The following KIF17 variants were observed in gnomAD, a reference collection of about 807,000 sequenced individuals.
The protein encoded by KIF17 is kinesin-like protein KIF17.
In KIF17, 80 loss-of-function variants were observed where a neutral mutation model predicts 96.8. That is an observed-to-expected ratio of 0.83 (90% CI 0.69 to 1.00). The LOEUF is 1.00. KIF17 is among the 50% of genes least tolerant of loss of function. The pLI is 0.00. For missense variants in KIF17, 1,280 were observed against 1,372.9 expected, an observed-to-expected ratio of 0.93 and a Z score of 1.07; for synonymous variants, 567 against 587.5, an observed-to-expected ratio of 0.97 and a Z score of 0.51.
chr1:20,689,088 CCA>C (rs756231444), intron 7 of KIF17, among the ~76,000 whole-genome samples: 3 of 152,280 alleles, frequency 2.0e-5, no homozygotes, highest in African/African-American at 4.8e-5. Context: ...GCCTTGGTTT[CCA>C]CACAGTTATG....
chr1:20,672,033 T>C lies in KIF17; in HGVS notation c.2627A>G (p.Asn876Ser). The change falls in exon 12 of 15, where the codon AAC becomes AGC. Residue 876 changes from asparagine (N) to serine (S), a missense_variant. Coordinates refer to ENST00000400463, the MANE Select transcript of KIF17 (RefSeq NM_001122819.3). The surrounding 1 kb of genome is among the most constrained non-coding windows in gnomAD (Gnocchi z 4.3). ...PLIRRDCNYSNLEKILRESCW... is the reference protein window; with the variant it reads ...PLIRRDCNYSSLEKILRESCW... ...GGACTCACGCAGAATCTTCTCCAGG[T>C]TGCTGTAGTTACAGTCCCTGCGAAT... is the stretch of plus-strand genomic sequence containing the variant. The C allele has an allele frequency of 6.2e-7, 1 of 1,614,154 alleles. No homozygotes were observed. Among genetic ancestry groups the C allele is most frequent in the Non-Finnish European group, 8.5e-7 (1 of 1,180,038 alleles).
At chr1:20,665,585 G>C (rs1436144269) in intron 14 of KIF17, among the ~76,000 whole-genome samples, 26 of 151,816 alleles carry the variant, frequency 1.7e-4, no homozygotes, top group Admixed American at 1.6e-3. Context: ...ATTTTTAGTA[G>C]AGACGGGGTT....
At position 20,687,474 on chromosome 1, in the gene KIF17, C is replaced by G. The variant is rs772846814; in HGVS notation, c.1852G>C (p.Glu618Gln). Residue 618 changes from glutamate to glutamine, a missense_variant, in exon 8 of 15, where the codon GAG becomes CAG. Coordinates refer to ENST00000400463, the MANE Select transcript of KIF17 (RefSeq NM_001122819.3). The surrounding 1 kb of genome is among the most constrained non-coding windows in gnomAD (Gnocchi z 4.4). ...AGTCTGGCCAGCTTGGCTTCCACCT[C>G]GGCAAACGGGTCCTGCAGGCCTAGT... ...GLLGLQDPFA[E>Q]VEAKLARLSS... The G allele has an allele frequency of 6.2e-7, 1 of 1,613,934 alleles. No homozygotes were observed. Among genetic ancestry groups the G allele is most frequent in the South Asian group, 1.1e-5 (1 of 91,066 alleles).
rs1430238795 is a variant in KIF17 at position 20,666,242 on chromosome 1, G to A, written c.2880C>T (p.Ile960=). The part of the protein sequence containing the change: ...NYFRSKRASQ[I]LSTDARKSLT... ...GGCTCTTCCTGGCGTCTGTGCTGAG[G>A]ATCTGGCTGGCCCGCTTAGATCGGA... The change falls in exon 14 of 15, where the codon ATC becomes ATT. Residue 960 remains isoleucine (I), a synonymous_variant. Coordinates refer to ENST00000400463, the MANE Select transcript of KIF17 (RefSeq NM_001122819.3). 6.2e-7 allele frequency: 1 copy of A among 1,614,080 alleles called. No homozygotes were observed. Among genetic ancestry groups the A allele is most frequent in the Non-Finnish European group, 8.5e-7 (1 of 1,179,904 alleles).
In KIF17 at chr1:20,687,045, C is replaced by T. The variant is rs1299038563; in HGVS notation, c.1938+343G>A. On this transcript the variant is annotated intron_variant, in intron 8 of 14. Transcript: ENST00000400463. The surrounding 1 kb of genome is among the most constrained non-coding windows in gnomAD (Gnocchi z 4.4). ...GAGCCAGTGAGCGTCGCCCAGGGCT[C>T]CGTCAGGCCTGGACACTCACTGTAA... 1.3e-5 allele frequency among the ~76,000 whole-genome samples: 2 copies of T among 152,300 alleles called. No individual in the cohort carries two copies. Among genetic ancestry groups the T allele is most frequent in the East Asian group, 3.9e-4 (2 of 5,184 alleles).
Position 20,715,708 on chromosome 1 carries a change from C to G in KIF17, c.232-69G>C. ...ACAGCAGGGCTCGGGACAGGGCTCC[C>G]TAACCCACAGACTCAGGGCCCTTCC... On this transcript the variant is annotated intron_variant, in intron 1 of 14. Coordinates refer to ENST00000400463, the MANE Select transcript of KIF17 (RefSeq NM_001122819.3). 1.9e-6 allele frequency: 3 copies of G among 1,594,154 alleles called. No homozygotes were observed. The East Asian group carries it at 6.7e-5, about 36-fold the overall frequency.
chr1:20,664,986 C>T (rs615190), intron 14 of KIF17, among the ~76,000 whole-genome samples: 148,540 of 152,028 alleles, frequency 0.98, 72,668 homozygotes, highest in Middle Eastern at 1. Flanking sequence ...GGCTGGGGAG[C>T]TGGGGTTTTA....
chr1:20,710,989 G>C (rs755850273), intron 3 of KIF17, among the ~76,000 whole-genome samples: 9 of 152,074 alleles, frequency 5.9e-5, no homozygotes, highest in Admixed American at 3.3e-4. Flanking sequence ...GGCAGGTCTC[G>C]GCCCAGGCGG....
chr1:20,703,491 GATGGATGC>G (rs1451545837), intron 5 of KIF17, among the ~76,000 whole-genome samples: 56 of 114,252 alleles, frequency 4.9e-4, no homozygotes, highest in Admixed American at 2.1e-3. Context: ...TGGATAGATG[GATGGATGC>G]ATGGATGGAT....
chr1:20,662,730 C>G (rs879829304), downstream of KIF17, among the ~76,000 whole-genome samples: 3 of 152,224 alleles, frequency 2.0e-5, no homozygotes, highest in Non-Finnish European at 4.4e-5. Context: ...CCTCTCAGTC[C>G]TTGCTCAGGG....
In KIF17 at chr1:20,682,961, C is replaced by T. The variant is rs1202164902; in HGVS notation, c.2232-77G>A. 5 of 1,321,006 alleles carry T rather than the reference C, an allele frequency of 3.8e-6. No homozygotes were observed. The East Asian group carries it at 9.3e-5, about 25-fold the overall frequency. The allele number at this position is 1,321,006 out of a possible 1,614,324, so 81.8% of individuals were successfully genotyped here. ...CACGTGCCATCCAGCAGGCTCCAGG[C>T]TATGCGTGGGCCCCCCAGATCCTTC... On this transcript the variant is annotated intron_variant, in intron 10 of 14. Transcript: ENST00000400463.
rs556135151 is a variant in KIF17 at position 20,715,508 on chromosome 1, C to A, written c.363G>T (p.Val121=). The change falls in exon 2 of 15, where the codon GTG becomes GTT. Residue 121 remains valine, a synonymous_variant. Transcript: ENST00000400463. ...RGIIPRAFEH[V]FESVQCAENT... is the part of the protein sequence containing the mutation. ...AGGCCCGTACCTGGACGCTCTCGAA[C>A]ACGTGCTCGAAGGCCCTGGGGATGA... The A allele has an allele frequency of 6.8e-6, 11 of 1,613,230 alleles. No individual in the cohort carries two copies. In the South Asian group the frequency reaches 1.1e-4, roughly 16 times the overall value.
intron 4 of KIF17, among the ~76,000 whole-genome samples, chr1:20,705,124 C>A (rs1021242186): frequency 7.2e-5 from 11 of 152,234 alleles, no homozygotes; most frequent in African/African-American, 1.9e-4. Context: ...CTGCTAAGAG[C>A]TATAGCCACC....
intron 13 of KIF17, 106 bp downstream of exon 13, chr1:20,670,315 G>T: frequency 9.0e-7 from 1 of 1,106,102 alleles, no homozygotes; most frequent in Non-Finnish European, 1.4e-6. Flanking sequence ...ATCCTTAGGC[G>T]GGAGGAAAGT....
intron 4 of KIF17, among the ~76,000 whole-genome samples, chr1:20,706,245 G>A (rs1020194644): frequency 6.6e-6 from 1 of 151,652 alleles, no homozygotes; most frequent in Non-Finnish European, 1.5e-5. Flanking sequence ...GTGGTCTGGA[G>A]AAGTAAGGTA....
intron 5 of KIF17, among the ~76,000 whole-genome samples, chr1:20,703,176 TGAATGGATGGAC>T (rs1553151980): frequency 6.8e-6 from 1 of 147,396 alleles, no homozygotes; most frequent in African/African-American, 2.5e-5. Context: ...GATGGATGGA[TGAATGGATGGAC>T]GGATGGATGG....
At chr1:20,670,335 G>T in intron 13 of KIF17, 86 bp downstream of exon 13, 1 of 1,311,954 alleles carries the variant, frequency 7.6e-7, no homozygotes, top group Non-Finnish European at 1.1e-6. Context: ...TGGAAAACCA[G>T]CTCTCCACAG....
At chr1:20,669,443 C>A (rs817778) in intron 13 of KIF17, among the ~76,000 whole-genome samples, 114,411 of 150,188 alleles carry the variant, frequency 0.76, 43,872 homozygotes, top group Middle Eastern at 0.87. Context: ...AGGCTGAGGC[C>A]GGAGAATGGC....
At chr1:20,696,208 T>C (rs570563) in intron 6 of KIF17, among the ~76,000 whole-genome samples, 84,430 of 151,930 alleles carry the variant, frequency 0.56, 24,803 homozygotes, top group East Asian at 0.79. Flanking sequence ...CTGGCCCGTG[T>C]CCTCTTCCCT....
Sources: gnomAD v4.1 joint callset for allele counts (sites outside exome capture counted in the v4.1 genomes callset) on GRCh38, gnomAD v4.1.1 for gene constraint, Gnocchi (gnomAD v3.1) non-coding constraint, MANE v1.5 for transcripts, NCBI Gene and HGNC (gene_info 2026-07-23, HGNC 2026-07-21) for gene names.